Variants in RELCH observed in about 807,000 individuals in gnomAD.
RELCH encodes the protein RAB11 binding and LisH domain, coiled-coil and HEAT repeat containing.
Under a neutral mutation model 150.3 loss-of-function variants are expected in RELCH, and 41 were observed. The observed-to-expected ratio is 0.27, with a 90% CI of 0.21 to 0.35. The LOEUF (loss-of-function observed/expected upper bound fraction) is 0.35, where lower values mean the gene tolerates loss of function less well. Ranked by LOEUF, RELCH falls within the 10% of genes least tolerant of loss-of-function variation. The pLI is 1.00. For missense variants in RELCH, 1,092 were observed against 1,467.8 expected (o/e 0.74, Z 4.18); for synonymous variants, 478 against 531.8 (o/e 0.90, Z 1.39).
At chr18:62,287,315 T>C (rs748947371) in intron 25 of RELCH, 36 bp from the exon 26 acceptor site, 1 of 992,310 alleles carries the variant, frequency 1.0e-6, no homozygotes, top group South Asian at 1.3e-5. Flanking sequence ...ATGCATGTTT[T>C]GGGTAAAAAT....
At position 62,279,807 on chromosome 18, in the gene RELCH, G is replaced by T. The variant is rs1297463480; in HGVS notation, c.3001G>T (p.Ala1001Ser). The T allele has an allele frequency of 2.0e-6, 3 of 1,535,752 alleles. No homozygotes were observed. The highest frequency in any genetic ancestry group is 3.9e-5 in the Admixed American group (2 of 50,976). The change falls in exon 23 of 29, where the codon GCT becomes TCT. Residue 1001 changes from alanine to serine, a missense_variant. By Grantham distance (99) the Ala-to-Ser change is moderately conservative. Coordinates refer to ENST00000644646, the MANE Select transcript of RELCH (RefSeq NM_001346231.2). ...GAAGGGGGTGAATGAAACTCTGGTA[G>T]CTCAGAGGGTTGTTCCTGCTCTCAT... ...LVKGVNETLV[A>S]QRVVPALITL...
chr18:62,226,037 A>G (rs1254895883), intron 5 of RELCH, among the ~76,000 whole-genome samples: 1 of 151,970 alleles, frequency 6.6e-6, no homozygotes, highest in African/African-American at 2.4e-5. Context: ...TAATACTCAT[A>G]TCTACCTCGA....
chr18:62,231,352 A>T, intron 9 of RELCH, 83 bp downstream of exon 9: 1 of 833,222 alleles, frequency 1.2e-6, no homozygotes, highest in Non-Finnish European at 2.0e-6. Context: ...CTACAGAAGC[A>T]TCTGTGATAA....
At chr18:62,290,363 C>G (rs2045051424) in intron 26 of RELCH, among the ~76,000 whole-genome samples, 1 of 152,174 alleles carries the variant, frequency 6.6e-6, no homozygotes, top group African/African-American at 2.4e-5. Flanking sequence ...AACCCCATCT[C>G]TACTAAAAAT....
At position 62,274,068 on chromosome 18, in the gene RELCH, C is replaced by T. The variant is rs1399858963; in HGVS notation, c.2849C>T (p.Ala950Val). The T allele has an allele frequency of 6.2e-7, 1 of 1,610,190 alleles. No homozygotes were observed. Residue 950 changes from alanine to valine, a missense_variant, in exon 21 of 29, where the codon GCT becomes GTT. Coordinates refer to ENST00000644646, the MANE Select transcript of RELCH (RefSeq NM_001346231.2). ...CATGCTCCTCTTGATAGCCTGAAGG[C>T]TTCTTTTGTGGAATTGGGGTAAGAA... Reference protein sequence around the residue: ...LSHAPLDSLKASFVELGANPA... With the variant: ...LSHAPLDSLKVSFVELGANPA...
chr18:62,198,541 C>T (rs543202909), intron 1 of RELCH, among the ~76,000 whole-genome samples: 1 of 152,276 alleles, frequency 6.6e-6, no homozygotes, highest in African/African-American at 2.4e-5. Flanking sequence ...AAGGTAGTAT[C>T]GTTGACATTT....
intron 27 of RELCH, among the ~76,000 whole-genome samples, 196 bp from the exon 28 acceptor site, chr18:62,298,594 T>C (rs2045526603): frequency 6.6e-6 from 1 of 152,168 alleles, no homozygotes. Flanking sequence ...TATTGTTATA[T>C]GATTGAGATT....
At chr18:62,249,326 A>G (rs558717240) in intron 11 of RELCH, among the ~76,000 whole-genome samples, 14 of 152,294 alleles carry the variant, frequency 9.2e-5, no homozygotes, top group African/African-American at 1.9e-4. Flanking sequence ...CTTTTCTGCA[A>G]TTATCAAAAT....
rs886756895 is a variant in RELCH at position 62,263,626 on chromosome 18, C to A, written c.2351-363C>A. Among the ~76,000 whole-genome samples, 7 of 151,942 alleles carry A rather than the reference C, an allele frequency of 4.6e-5. No individual in the cohort carries two copies. The South Asian group carries it at 1.5e-3, about 32-fold the overall frequency. On this transcript the variant is annotated intron_variant, in intron 16 of 28. Coordinates refer to ENST00000644646, the MANE Select transcript of RELCH (RefSeq NM_001346231.2). ...ATTTGTTTTCTCATAAAAATGGTAA[C>A]CCACACAAATATTTTTAGTACCAAT... is the stretch of plus-strand genomic sequence containing the variant.
At chr18:62,298,928 A>T in intron 28 of RELCH, 68 bp downstream of exon 28, 1 of 838,552 alleles carries the variant, frequency 1.2e-6, no homozygotes. Context: ...TTTGCTGTCA[A>T]TCAGTGTAAT....
At chr18:62,215,546 G>A (rs2040427742) in intron 2 of RELCH, among the ~76,000 whole-genome samples, 1 of 152,114 alleles carries the variant, frequency 6.6e-6, no homozygotes, top group African/African-American at 2.4e-5. Context: ...GATCTCTAAA[G>A]GAACAAATGT....
chr18:62,291,462 C>A (rs2045131174), intron 26 of RELCH, 81 bp from the exon 27 acceptor site: 2 of 743,986 alleles, frequency 2.7e-6, no homozygotes, highest in South Asian at 3.7e-5. Context: ...GAAGGCTTCT[C>A]TTTTATATGT....
At chr18:62,245,366 G>A (rs372550263) in intron 11 of RELCH, among the ~76,000 whole-genome samples, 2 of 152,184 alleles carry the variant, frequency 1.3e-5, no homozygotes, top group South Asian at 4.1e-4. Flanking sequence ...GCTCATGCCT[G>A]TAATCCCAGG....
chr18:62,225,083 A>G (rs1206652794), intron 5 of RELCH, among the ~76,000 whole-genome samples: 2 of 152,040 alleles, frequency 1.3e-5, no homozygotes, highest in Non-Finnish European at 2.9e-5. Context: ...AATTCTGACA[A>G]AATGCAAAAT....
Position 62,269,723 on chromosome 18 carries a change from G to A in RELCH, c.2760+775G>A, listed in dbSNP as rs149427641. Among the ~76,000 whole-genome samples the A allele has an allele frequency of 1.9e-3, 294 of 152,070 alleles. 1 individual carries two copies. Among genetic ancestry groups the A allele is most frequent in the African/African-American group, 6.8e-3 (284 of 41,478 alleles). On this transcript the variant is annotated intron_variant, in intron 20 of 28. Coordinates refer to ENST00000644646, the MANE Select transcript of RELCH (RefSeq NM_001346231.2). ...TTCACATGTAAGTACTTAACAATAA[G>A]AAAATATGACATATCATCAATACAG...
chr18:62,261,877 T>C (rs189380737), intron 16 of RELCH, among the ~76,000 whole-genome samples: 1 of 152,186 alleles, frequency 6.6e-6, no homozygotes, highest in Admixed American at 6.6e-5. Context: ...TTTATAATAC[T>C]TATACTTTCT....
At chr18:62,275,317 C>T in intron 21 of RELCH, 57 bp from the exon 22 acceptor site, 1 of 798,002 alleles carries the variant, frequency 1.3e-6, no homozygotes, top group East Asian at 2.7e-5. Flanking sequence ...TTTTTCAGTT[C>T]ACTAGTAAGG....
chr18:62,251,677 A>C (rs1172613098), intron 11 of RELCH, among the ~76,000 whole-genome samples: 1 of 152,214 alleles, frequency 6.6e-6, no homozygotes, highest in African/African-American at 2.4e-5. Flanking sequence ...AATACCAAAA[A>C]ATCTGATTCT....
rs924565668 is a variant in RELCH, at chr18:62,255,389, T to G, written c.1825-18T>G. Reference sequence around the variant, plus strand: ...GGTATGCTGTTTATGCTTGATTTATTTATTTTTTTTGCTCTAGATTAATCA... The same window carrying G: ...GGTATGCTGTTTATGCTTGATTTATGTATTTTTTTTGCTCTAGATTAATCA... On this transcript the variant is annotated intron_variant, in intron 12 of 28. Coordinates refer to ENST00000644646, the MANE Select transcript of RELCH (RefSeq NM_001346231.2). The G allele has an allele frequency of 2.5e-6, 4 of 1,573,954 alleles. No homozygotes were observed. Among genetic ancestry groups the G allele is most frequent in the East Asian group, 4.5e-5 (2 of 44,658 alleles).
Sources: allele counts gnomAD v4.1 joint callset (sites outside exome capture counted in the v4.1 genomes callset), GRCh38; gene constraint gnomAD v4.1.1; transcripts MANE v1.5; gene names NCBI Gene and HGNC (gene_info 2026-07-23, HGNC 2026-07-21).